PRDM2: variants seen among roughly 807,000 people sequenced by gnomAD.
PRDM2 encodes PR domain zinc finger protein 2.
PRDM2 carries 30 observed loss-of-function variants against 130.0 expected under a neutral mutation model. The ratio of observed to expected loss-of-function variants is 0.23; its 90% CI spans 0.17 to 0.31. The LOEUF (loss-of-function observed/expected upper bound fraction) is 0.31. Among genes scored for constraint, PRDM2 ranks in the 10% least tolerant of loss-of-function variants. The pLI is 1.00. For missense variants in PRDM2, 2,011 were observed against 2,108.4 expected, an observed-to-expected ratio of 0.95 and a Z score of 0.90; for synonymous variants, 871 against 782.4, an observed-to-expected ratio of 1.11 and a Z score of -1.89.
At chr1:13,748,344 G>A (rs1643679580) in intron 5 of PRDM2, among the ~76,000 whole-genome samples, 1 of 152,162 alleles carries the variant, frequency 6.6e-6, no homozygotes, top group East Asian at 1.9e-4. Flanking sequence ...TTGCCAAATG[G>A]CGCTTTTCTA....
intron 9 of PRDM2, among the ~76,000 whole-genome samples, chr1:13,818,132 G>C (rs894040266): frequency 1.3e-5 from 2 of 152,324 alleles, no homozygotes; most frequent in East Asian, 3.9e-4. Context: ...ATCCTGGTGG[G>C]TGTGACCAGG....
At position 13,778,822 on chromosome 1, in the gene PRDM2, A is replaced by G. The variant is rs762997037; in HGVS notation, c.1027A>G (p.Ile343Val). 3.1e-6 allele frequency: 5 copies of G among 1,614,190 alleles called. No individual in the cohort carries two copies. The South Asian group carries it at 5.5e-5, about 18-fold the overall frequency. The change falls in exon 8 of 10, where the codon ATC becomes GTC. Residue 343 changes from isoleucine (I) to valine (V), a missense_variant. Around this residue, in one of 5 missense-constraint regions of PRDM2, gnomAD observed 1,288 missense variants for 1,237.7 expected, o/e 1.04. Coordinates refer to ENST00000311066, the MANE Select transcript of PRDM2 (RefSeq NM_001393986.1). ...CTCAGAGGTAACACCTGCCATGCAA[A>G]TCCCCAGAACTAAAGAAGAGGCCAA... ...DCSEVTPAMQIPRTKEEANGD... is the reference protein window; with the variant it reads ...DCSEVTPAMQVPRTKEEANGD...
chr1:13,752,936 T>C (rs1643875267), intron 6 of PRDM2, among the ~76,000 whole-genome samples: 1 of 152,204 alleles, frequency 6.6e-6, no homozygotes, highest in Non-Finnish European at 1.5e-5. Context: ...ACATGCTCTG[T>C]GAAGCTGTGG....
chr1:13,778,269 GTATA>G, intron 7 of PRDM2, 145 bp from the exon 8 acceptor site: 1 of 830,300 alleles, frequency 1.2e-6, no homozygotes, highest in Non-Finnish European at 1.9e-6. Flanking sequence ...TGTCAATTAA[GTATA>G]TAAAGTAGAA....
chr1:13,795,972 A>G (rs552099916), intron 8 of PRDM2, among the ~76,000 whole-genome samples: 111 of 152,296 alleles, frequency 7.3e-4, no homozygotes, highest in African/African-American at 2.5e-3. Flanking sequence ...GGGCTGGCTA[A>G]GTGACCCATG....
intron 8 of PRDM2, among the ~76,000 whole-genome samples, chr1:13,802,738 C>T (rs1179451126): frequency 6.6e-6 from 1 of 152,198 alleles, no homozygotes; most frequent in African/African-American, 2.4e-5. Flanking sequence ...TCTTGCTTCC[C>T]AAGTTGGGAA....
intron 4 of PRDM2, among the ~76,000 whole-genome samples, chr1:13,736,856 A>C (rs1481740525): frequency 6.6e-6 from 1 of 152,208 alleles, no homozygotes; most frequent in Non-Finnish European, 1.5e-5. Flanking sequence ...CATTTTATTC[A>C]TTCAGGCAAC....
intron 6 of PRDM2, among the ~76,000 whole-genome samples, chr1:13,757,006 T>TA (rs1569889599): frequency 6.6e-6 from 1 of 152,234 alleles, no homozygotes; most frequent in Non-Finnish European, 1.5e-5. Flanking sequence ...GTAGGACAGT[T>TA]ATACTGTATA....
rs80352683 is a variant in PRDM2, at chr1:13,712,402, A to C, written c.-65-3139A>C. On this transcript the variant is annotated intron_variant, in intron 1 of 9. Transcript: ENST00000311066. ...GAAGTGTTAAATAAAGAGGGAAAAC[A>C]TGAAAAGCAGATGGTAAGAAGAAGG... Among the ~76,000 whole-genome samples, 1,797 of 152,360 alleles carry C rather than the reference A, an allele frequency of 0.012. 68 individuals are homozygous for C. The East Asian group carries it at 0.13, about 11-fold the overall frequency.
In PRDM2 at chr1:13,749,469, TC is replaced by T; in HGVS notation, c.498del (p.Lys167ArgfsTer24). 6.7e-7 allele frequency: 1 copy of T among 1,482,480 alleles called. No individual in the cohort carries two copies. Among genetic ancestry groups the T allele is most frequent in the Non-Finnish European group, 9.1e-7 (1 of 1,102,488 alleles). The allele number at this position is 1,482,480 out of a possible 1,614,324, so 91.8% of individuals were successfully genotyped here. ...ERASARSKRS[S>X]PKSRKGKKKS... Reference sequence around the variant, plus strand: ...AGCCAGCGCCCGGAGCAAGCGGAGCTCCCCCAAGAGCCGGAAAGGTAGGAGC... The same window carrying T: ...AGCCAGCGCCCGGAGCAAGCGGAGCTCCCCAAGAGCCGGAAAGGTAGGAGC... On this transcript the variant is annotated frameshift_variant, in exon 6 of 10. Transcript: ENST00000311066. LOFTEE classifies it high-confidence loss of function.
Position 13,823,239 on chromosome 1 carries a change from G to A in PRDM2, c.*104G>A. 2 of 1,585,118 alleles carry A rather than the reference G, an allele frequency of 1.3e-6. No individual in the cohort carries two copies. Among genetic ancestry groups the A allele is most frequent in the Middle Eastern group, 1.7e-4 (1 of 6,004 alleles). On this transcript the variant is annotated 3_prime_UTR_variant, in exon 10 of 10. Transcript: ENST00000311066. Reference sequence around the variant, plus strand: ...GGGAGTACCGACCTATCCCAGTTGTGTGAGGCTGCGAGAGAAAGGGAGTGC... The same window carrying A: ...GGGAGTACCGACCTATCCCAGTTGTATGAGGCTGCGAGAGAAAGGGAGTGC...
chr1:13,753,819 TGA>T (rs1643889649), intron 6 of PRDM2, among the ~76,000 whole-genome samples: 1 of 152,164 alleles, frequency 6.6e-6, no homozygotes, highest in Admixed American at 6.5e-5. Context: ...CCTTGGGGAC[TGA>T]GAAGTTGTGA....
At chr1:13,765,710 C>T (rs958364714) in intron 6 of PRDM2, among the ~76,000 whole-genome samples, 1 of 152,206 alleles carries the variant, frequency 6.6e-6, no homozygotes, top group Non-Finnish European at 1.5e-5. Context: ...CGTGTTCTGC[C>T]TGCCTCGGCC....
In PRDM2 at chr1:13,782,075, A is replaced by G. The variant is rs368459093; in HGVS notation, c.4280A>G (p.Gln1427Arg). The G allele has an allele frequency of 1.9e-6, 3 of 1,614,160 alleles. No individual in the cohort carries two copies. The highest frequency in any genetic ancestry group is 2.2e-5 in the South Asian group (2 of 91,076). ...TTAAATGCATTGAAGAAAAAAAATC[A>G]GCTAGTACAGAAAGCAATTCTTCAG... ...LKLNALKKKN[Q>R]LVQKAILQKN... Residue 1427 changes from glutamine (Q) to arginine (R), a missense_variant, in exon 8 of 10, where the codon CAG becomes CGG. Gln to Arg is a conservative substitution (Grantham distance 43, BLOSUM62 1). Coordinates refer to ENST00000311066, the MANE Select transcript of PRDM2 (RefSeq NM_001393986.1).
In PRDM2 at chr1:13,780,865, T is replaced by A. The variant is rs41269807; in HGVS notation, c.3070T>A (p.Ser1024Thr). The A allele has an allele frequency of 0.041, 66,475 of 1,610,400 alleles. 1,547 individuals carry two copies. Among genetic ancestry groups the A allele is most frequent in the Non-Finnish European group, 0.047 (54,949 of 1,177,808 alleles). The change falls in exon 8 of 10, where the codon TCC becomes ACC. Residue 1024 changes from serine to threonine, a missense_variant. Ser to Thr is a moderately conservative substitution (Grantham distance 58, BLOSUM62 1). Transcript: ENST00000311066. ...CGCACAGTCCCCACTTCCAATTCTG[T>A]CCCCAACAGTGTCCCCCTCTCCCTC... ...ATAQSPLPIL[S>T]PTVSPSPSPI...
At chr1:13,786,072 T>C (rs1327903322) in intron 8 of PRDM2, among the ~76,000 whole-genome samples, 1 of 152,030 alleles carries the variant, frequency 6.6e-6, no homozygotes, top group Non-Finnish European at 1.5e-5. Flanking sequence ...TCTCCTGACC[T>C]TATGATCCGC....
intron 7 of PRDM2, 117 bp from the exon 8 acceptor site, chr1:13,778,301 A>C: frequency 9.5e-7 from 1 of 1,056,122 alleles, no homozygotes; most frequent in Non-Finnish European, 1.4e-6. Flanking sequence ...ATTGTTCATC[A>C]TCATCTCCCT....
intron 5 of PRDM2, among the ~76,000 whole-genome samples, chr1:13,747,332 A>T (rs900408909): frequency 6.6e-6 from 1 of 152,258 alleles, no homozygotes; most frequent in African/African-American, 2.4e-5. Flanking sequence ...ATAACAAAAA[A>T]ATAGAGAAAG....
At position 13,806,643 on chromosome 1, in the gene PRDM2, C is replaced by A. The variant is rs921902584; in HGVS notation, c.5037-9784C>A. Among the ~76,000 whole-genome samples, 1 of 152,182 alleles carries A rather than the reference C, an allele frequency of 6.6e-6. No individual in the cohort carries two copies. Among genetic ancestry groups the A allele is most frequent in the African/African-American group, 2.4e-5 (1 of 41,440 alleles). ...CCACAGCTTCTCTCAGCTCAGCCTC[C>A]TCAGCTGACCTGAGGTCCAGGCCAC... On this transcript the variant is annotated intron_variant, in intron 8 of 9. Transcript: ENST00000311066. This position sits in a 1 kb window ranked among gnomAD's most constrained non-coding sequence, Gnocchi z 4.1.
Sources: allele counts gnomAD v4.1 joint callset (sites outside exome capture counted in the v4.1 genomes callset), GRCh38; gene constraint gnomAD v4.1.1; regional missense constraint gnomAD v4.1.1; non-coding constraint Gnocchi (gnomAD v3.1); transcripts MANE v1.5; gene names NCBI Gene and HGNC (gene_info 2026-07-23, HGNC 2026-07-21).